The following CAMK1D variants were observed in gnomAD, a reference collection of about 807,000 sequenced individuals.
CAMK1D encodes the protein calcium/calmodulin dependent protein kinase ID.
CAMK1D carries 9 observed loss-of-function variants against 47.7 expected under a neutral mutation model. The observed-to-expected ratio is 0.19, with a 90% CI of 0.11 to 0.33. CAMK1D has a LOEUF of 0.33. Among genes scored for constraint, CAMK1D ranks in the 10% least tolerant of loss-of-function variants. CAMK1D has a pLI of 1.00. For synonymous variants in CAMK1D, 184 were observed against 184.9 expected (o/e 0.99, Z 0.04); for missense variants, 291 against 488.7 (o/e 0.60, Z 3.81).
intron 2 of CAMK1D, among the ~76,000 whole-genome samples, chr10:12,581,147 T>C (rs1238987007): frequency 6.6e-6 from 1 of 152,206 alleles, no homozygotes; most frequent in African/African-American, 2.4e-5. Context: ...TGTTTGGTTT[T>C]CCATTCCTGA....
At chr10:12,648,652 G>T (rs548385333) in intron 2 of CAMK1D, among the ~76,000 whole-genome samples, 1 of 152,046 alleles carries the variant, frequency 6.6e-6, no homozygotes, top group Admixed American at 6.5e-5. Context: ...TGTATTTTTA[G>T]TAGAGGTGGG....
chr10:12,803,065 C>T (rs575494226), intron 6 of CAMK1D, among the ~76,000 whole-genome samples: 2 of 152,250 alleles, frequency 1.3e-5, no homozygotes, highest in South Asian at 4.1e-4. Flanking sequence ...AAGCAAGTAG[C>T]CTAATCTTTC....
intron 2 of CAMK1D, among the ~76,000 whole-genome samples, chr10:12,578,038 C>T (rs1291222678): frequency 6.6e-6 from 1 of 152,210 alleles, no homozygotes. Context: ...ATCCTCACAG[C>T]AACTCTGCAC....
chr10:12,409,400 T>C (rs2724786), intron 1 of CAMK1D, among the ~76,000 whole-genome samples: 110,499 of 152,060 alleles, frequency 0.73, 40,260 homozygotes, highest in Admixed American at 0.76. Flanking sequence ...GAAGCAGGTG[T>C]ATGCTGTTCT....
In CAMK1D at chr10:12,519,401, C is replaced by T. The variant is rs1437568092; in HGVS notation, c.93-33824C>T. Among the ~76,000 whole-genome samples the T allele has an allele frequency of 2.7e-4, 4 of 14,670 alleles. 1 individual carries two copies. The highest frequency in any genetic ancestry group is 4.5e-4 in the Non-Finnish European group (3 of 6,682). The allele number at this position is 14,670 out of a possible 152,430, so 9.6% of individuals were successfully genotyped here. On this transcript the variant is annotated intron_variant, in intron 1 of 10. Coordinates refer to ENST00000619168, the MANE Select transcript of CAMK1D (RefSeq NM_153498.4). ...ACGGGGCGGCTGGCCGACCCCCCCC[C>T]CCCCGCCTCCCTCCCGGACGGGGCG...
At chr10:12,744,840 G>T (rs1394980165) in intron 3 of CAMK1D, among the ~76,000 whole-genome samples, 1 of 152,138 alleles carries the variant, frequency 6.6e-6, no homozygotes, top group Non-Finnish European at 1.5e-5. Context: ...GTTCAAGGCT[G>T]CAGTGAGCTG....
At chr10:12,746,732 T>C (rs921422555) in intron 3 of CAMK1D, among the ~76,000 whole-genome samples, 1 of 152,202 alleles carries the variant, frequency 6.6e-6, no homozygotes, top group Non-Finnish European at 1.5e-5. Context: ...GCCATGCCCT[T>C]GTGCCACACT....
At chr10:12,575,853 A>G (rs911522331) in intron 2 of CAMK1D, among the ~76,000 whole-genome samples, 9 of 152,330 alleles carry the variant, frequency 5.9e-5, no homozygotes, top group Admixed American at 4.6e-4. Context: ...CAACCTTCAC[A>G]AAATAGACCA....
At chr10:12,777,741 G>A (rs1837322135) in intron 5 of CAMK1D, among the ~76,000 whole-genome samples, 1 of 152,286 alleles carries the variant, frequency 6.6e-6, no homozygotes, top group South Asian at 2.1e-4. Flanking sequence ...AGGTGAAACG[G>A]GTCTTGGTAA....
chr10:12,733,036 T>C (rs1368187443), intron 3 of CAMK1D, among the ~76,000 whole-genome samples: 1 of 152,238 alleles, frequency 6.6e-6, no homozygotes, highest in Admixed American at 6.5e-5. Context: ...TCCCAGCATA[T>C]AGCAATTACG....
intron 8 of CAMK1D, among the ~76,000 whole-genome samples, chr10:12,817,408 G>A (rs1158856764): frequency 2.0e-5 from 3 of 152,156 alleles, no homozygotes; most frequent in African/African-American, 7.2e-5. Context: ...CAACTCGAGA[G>A]GGACTAATTG....
chr10:12,779,817 C>T (rs1837413985), intron 5 of CAMK1D, among the ~76,000 whole-genome samples: 1 of 152,156 alleles, frequency 6.6e-6, no homozygotes, highest in Non-Finnish European at 1.5e-5. Flanking sequence ...CCACACTATT[C>T]CATTACGGAT....
intron 5 of CAMK1D, among the ~76,000 whole-genome samples, chr10:12,772,307 T>C (rs945840673): frequency 6.6e-6 from 1 of 152,026 alleles, no homozygotes; most frequent in African/African-American, 2.4e-5. Context: ...ATCCCAGACA[T>C]TAGAAAATGA....
chr10:12,450,947 A>G (rs1306101169), intron 1 of CAMK1D, among the ~76,000 whole-genome samples: 1 of 152,152 alleles, frequency 6.6e-6, no homozygotes, highest in Non-Finnish European at 1.5e-5. Context: ...CCTGCGCCTC[A>G]TGCAGGCTCC....
intron 1 of CAMK1D, among the ~76,000 whole-genome samples, chr10:12,465,173 C>T (rs920173950): frequency 6.6e-6 from 1 of 152,122 alleles, no homozygotes; most frequent in Non-Finnish European, 1.5e-5. Flanking sequence ...TCTTTACCAA[C>T]TCTGATAAGC....
chr10:12,421,973 T>C (rs1840069264), intron 1 of CAMK1D, among the ~76,000 whole-genome samples: 1 of 152,076 alleles, frequency 6.6e-6, no homozygotes, highest in African/African-American at 2.4e-5. Flanking sequence ...CCCACCACCA[T>C]GCCTGGCTAA....
chr10:12,757,346 C>A (rs374233713), intron 3 of CAMK1D, among the ~76,000 whole-genome samples: 9 of 152,166 alleles, frequency 5.9e-5, no homozygotes, highest in African/African-American at 1.9e-4. Context: ...GACCCCTGTC[C>A]CTTCTAACTT....
chr10:12,826,922 T>C (rs555584635), intron 10 of CAMK1D, among the ~76,000 whole-genome samples: 1 of 152,220 alleles, frequency 6.6e-6, no homozygotes, highest in Non-Finnish European at 1.5e-5. Flanking sequence ...TTTGTCCCCA[T>C]GTCTGAGCAC....
intron 3 of CAMK1D, among the ~76,000 whole-genome samples, chr10:12,692,380 G>A (rs1431482401): frequency 6.6e-6 from 1 of 152,186 alleles, no homozygotes; most frequent in Non-Finnish European, 1.5e-5. Flanking sequence ...TTTCAGGCCA[G>A]TAGGAAAGGT....
Sources: gnomAD v4.1 joint callset for allele counts (sites outside exome capture counted in the v4.1 genomes callset) on GRCh38, gnomAD v4.1.1 for gene constraint, MANE v1.5 for transcripts, NCBI Gene and HGNC (gene_info 2026-07-23, HGNC 2026-07-21) for gene names.